HIVEP3: variants seen among roughly 807,000 people sequenced by gnomAD.
HIVEP3 encodes the protein HIVEP zinc finger 3.
A neutral mutation model predicts 152.8 loss-of-function variants in HIVEP3; 49 were observed. That is an observed-to-expected ratio of 0.32 (90% CI 0.26 to 0.41). The LOEUF is 0.41. HIVEP3 is among the 10% of genes least tolerant of loss of function. HIVEP3 has a pLI of 1.00. For missense variants in HIVEP3, 2,790 were observed against 3,103.3 expected (o/e 0.90, Z 2.40); for synonymous variants, 1,269 against 1,289.0 (o/e 0.98, Z 0.33).
chr1:41,934,472 G>A (rs563878442), intron 1 of HIVEP3, among the ~76,000 whole-genome samples: 2 of 152,184 alleles, frequency 1.3e-5, no homozygotes, highest in East Asian at 1.9e-4. Flanking sequence ...CTTTCTATTC[G>A]TAAAGATTTT....
intron 1 of HIVEP3, among the ~76,000 whole-genome samples, chr1:41,850,819 A>T (rs761061955): frequency 3.9e-5 from 6 of 152,266 alleles, no homozygotes; most frequent in Non-Finnish European, 5.9e-5. Flanking sequence ...ACATTGTTGA[A>T]CTGCAGTGAT....
intron 1 of HIVEP3, among the ~76,000 whole-genome samples, chr1:41,817,424 G>C (rs144615195): frequency 6.6e-6 from 1 of 152,130 alleles, no homozygotes; most frequent in Non-Finnish European, 1.5e-5. Flanking sequence ...GGCAGAAAAC[G>C]GGGTGGAAGT....
intron 1 of HIVEP3, among the ~76,000 whole-genome samples, chr1:41,917,657 G>A (rs74070303): frequency 0.046 from 6,946 of 152,144 alleles, 503 homozygotes; most frequent in African/African-American, 0.15. Flanking sequence ...GGGACCATTC[G>A]GCACCATCAG....
chr1:41,604,560 C>T (rs1483769682), intron 3 of HIVEP3, among the ~76,000 whole-genome samples: 1 of 152,154 alleles, frequency 6.6e-6, no homozygotes, highest in Non-Finnish European at 1.5e-5. Flanking sequence ...AAAGTGCTTG[C>T]TGAGGAGACT....
intron 1 of HIVEP3, among the ~76,000 whole-genome samples, chr1:41,952,640 C>A (rs2124492369): frequency 6.6e-6 from 1 of 152,266 alleles, no homozygotes; most frequent in Non-Finnish European, 1.5e-5. Context: ...GCCACCAATT[C>A]ACAACTCTCT....
intron 4 of HIVEP3, 80 bp downstream of exon 4, chr1:41,579,657 C>G (rs1205887240): frequency 3.4e-6 from 5 of 1,483,474 alleles, no homozygotes; most frequent in Non-Finnish European, 4.5e-6. Flanking sequence ...GCAACTGGAA[C>G]CTGAGGATAC....
At chr1:41,527,100 ACT>A (rs1335703995) in intron 5 of HIVEP3, among the ~76,000 whole-genome samples, 4 of 63,804 alleles carry the variant, frequency 6.3e-5, no homozygotes, top group Admixed American at 1.6e-4. Context: ...ACACACCCAC[ACT>A]CACCCTCACA....
intron 1 of HIVEP3, among the ~76,000 whole-genome samples, chr1:41,764,932 T>A (rs1416157034): frequency 6.6e-6 from 1 of 152,172 alleles, no homozygotes; most frequent in African/African-American, 2.4e-5. Flanking sequence ...AGGGCCATCA[T>A]CACAGGTGGG....
At chr1:41,776,104 A>G (rs1477653671) in intron 1 of HIVEP3, among the ~76,000 whole-genome samples, 1 of 152,248 alleles carries the variant, frequency 6.6e-6, no homozygotes, top group Non-Finnish European at 1.5e-5. Flanking sequence ...GCTCCTTGGC[A>G]TTTAAACAAA....
chr1:41,572,944 A>G (rs34767929), intron 5 of HIVEP3, among the ~76,000 whole-genome samples: 23,507 of 152,156 alleles, frequency 0.15, 2,450 homozygotes, highest in East Asian at 0.47. Flanking sequence ...ACACGGTAGG[A>G]ATGCACTTCT....
intron 1 of HIVEP3, among the ~76,000 whole-genome samples, chr1:41,711,188 T>C (rs1646508184): frequency 6.6e-6 from 1 of 152,256 alleles, no homozygotes; most frequent in South Asian, 2.1e-4. Flanking sequence ...CCCAGGCCTA[T>C]GCCTGGCCAT....
At chr1:41,979,944 T>C (rs1332230733) in intron 1 of HIVEP3, among the ~76,000 whole-genome samples, 1 of 152,220 alleles carries the variant, frequency 6.6e-6, no homozygotes, top group Non-Finnish European at 1.5e-5. Flanking sequence ...AGACTTGCAT[T>C]TGGGGAGCAG....
chr1:41,544,661 T>TACCACC (rs1643623683), intron 5 of HIVEP3, among the ~76,000 whole-genome samples: 3 of 91,134 alleles, frequency 3.3e-5, no homozygotes, highest in African/African-American at 1.4e-4. Context: ...CTACCACCAC[T>TACCACC]ACTACCACCA....
chr1:41,784,482 G>A (rs1649231376), intron 1 of HIVEP3, among the ~76,000 whole-genome samples: 1 of 152,098 alleles, frequency 6.6e-6, no homozygotes, highest in Non-Finnish European at 1.5e-5. Context: ...TATTTCTACT[G>A]GACAGCATTG....
rs1254757000 is a variant in HIVEP3 at position 41,918,893 on chromosome 1, CG to C, written c.-1282del. On this transcript the variant is annotated 5_prime_UTR_variant, in exon 1 of 9. Coordinates refer to ENST00000372583, the MANE Select transcript of HIVEP3 (RefSeq NM_024503.5). This position sits in a 1 kb window ranked among gnomAD's most constrained non-coding sequence, Gnocchi z 4.3. ...CTGAATCCAGAGCCAACCCATGCCT[CG>C]CTTGTCTTTTCCACTAGGAGTCCAG... Among the ~76,000 whole-genome samples, 1 of 152,144 alleles carries C rather than the reference CG, an allele frequency of 6.6e-6. No individual in the cohort carries two copies. The highest frequency in any genetic ancestry group is 3.2e-3 in the Middle Eastern group (1 of 316).
intron 2 of HIVEP3, among the ~76,000 whole-genome samples, chr1:41,699,308 T>G (rs1570344436): frequency 1.3e-5 from 2 of 152,198 alleles, no homozygotes; most frequent in Admixed American, 1.3e-4. Context: ...CAGGGCAGGG[T>G]TGGAGCAAGG....
At chr1:41,827,046 C>T (rs545550319) in intron 1 of HIVEP3, among the ~76,000 whole-genome samples, 2 of 152,316 alleles carry the variant, frequency 1.3e-5, no homozygotes, top group South Asian at 4.1e-4. Context: ...ACCTGGAGCT[C>T]TTTGCTGCCT....
chr1:41,854,539 T>TA lies in HIVEP3; in HGVS notation c.-801+63873dup, dbSNP rs1465016306. Among the ~76,000 whole-genome samples, 8 of 144,064 alleles carry TA rather than the reference T, an allele frequency of 5.6e-5. No homozygotes were observed. The South Asian group carries it at 6.5e-4, about 12-fold the overall frequency. The allele number at this position is 144,064 out of a possible 152,430, so 94.5% of individuals were successfully genotyped here. ...GCACTTTTTTTTTTTTTTTTTTTTT[T>TA]ATACTCTAAGTTTTAGGGTACATGT... On this transcript the variant is annotated intron_variant, in intron 1 of 8. Transcript: ENST00000372583.
chr1:41,572,723 A>C (rs1644269111), intron 5 of HIVEP3, among the ~76,000 whole-genome samples: 1 of 152,256 alleles, frequency 6.6e-6, no homozygotes. Flanking sequence ...AAAGAAATTA[A>C]GGCAAGTTTA....
Sources: allele counts gnomAD v4.1 joint callset (sites outside exome capture counted in the v4.1 genomes callset), GRCh38; gene constraint gnomAD v4.1.1; non-coding constraint Gnocchi (gnomAD v3.1); transcripts MANE v1.5; gene names NCBI Gene and HGNC (gene_info 2026-07-23, HGNC 2026-07-21).